Variants in LIFR observed in about 807,000 individuals in gnomAD.
LIFR encodes the protein LIF receptor subunit alpha, also known as leukemia inhibitory factor receptor.
A neutral mutation model predicts 122.2 loss-of-function variants in LIFR; 84 were observed. The ratio of observed to expected loss-of-function variants is 0.69; its 90% CI spans 0.58 to 0.82. The LOEUF is 0.82. Among genes scored for constraint, LIFR ranks in the 40% least tolerant of loss-of-function variants. The probability of loss-of-function intolerance (pLI) is 0.00; values close to 1 mark genes in which losing one functional copy is unlikely to be tolerated. For synonymous variants in LIFR, 422 were observed against 434.7 expected, an observed-to-expected ratio of 0.97 and a Z score of 0.36; for missense variants, 1,294 against 1,311.6, an observed-to-expected ratio of 0.99 and a Z score of 0.21.
upstream of LIFR, among the ~76,000 whole-genome samples, chr5:38,560,635 C>T (rs12654743): frequency 4.3e-4 from 64 of 150,022 alleles, no homozygotes; most frequent in East Asian, 0.012. Flanking sequence ...CTTGCTCTGT[C>T]GTCCAGGCTG....
At chr5:38,504,196 A>T (rs1682814970) in intron 9 of LIFR, 75 bp from the exon 10 acceptor site, 1 of 1,050,642 alleles carries the variant, frequency 9.5e-7, no homozygotes, top group African/African-American at 1.6e-5. Context: ...AAATGAGAAG[A>T]AAACATAAAA....
At chr5:38,557,385 C>T (rs1396844397), upstream of LIFR, 4 of 154,022 alleles carry the variant, frequency 2.6e-5, no homozygotes, top group African/African-American at 9.7e-5. Flanking sequence ...AGAGTAATCA[C>T]CAAATGAAAT....
intron 1 of LIFR, among the ~76,000 whole-genome samples, chr5:38,539,920 T>A (rs1747494895): frequency 6.6e-6 from 1 of 152,180 alleles, no homozygotes; most frequent in Non-Finnish European, 1.5e-5. Context: ...TTCATATCAA[T>A]CCTATAAGGT....
intron 1 of LIFR, among the ~76,000 whole-genome samples, chr5:38,568,009 A>G (rs1380026023): frequency 6.6e-6 from 1 of 152,136 alleles, no homozygotes; most frequent in East Asian, 1.9e-4. Flanking sequence ...CAACCTATTC[A>G]AAATTGAACT....
intron 4 of LIFR, among the ~76,000 whole-genome samples, chr5:38,524,036 A>G (rs1317819398): frequency 6.6e-6 from 1 of 152,198 alleles, no homozygotes; most frequent in African/African-American, 2.4e-5. Context: ...TTAGTCAGGA[A>G]CCTACAGGTA....
intron 1 of LIFR, among the ~76,000 whole-genome samples, chr5:38,567,421 C>T (rs1279500656): frequency 7.9e-5 from 12 of 151,590 alleles, no homozygotes; most frequent in Admixed American, 7.9e-4. Flanking sequence ...TCCCTCTTAT[C>T]CATTATTTGT....
Position 38,510,656 on chromosome 5 carries a change from T to A in LIFR, c.799A>T (p.Ile267Leu), listed in dbSNP as rs891138920. ...TCTTGACTCACACAACAAAATGTTATGTCTGAGCCTACAAGTATCACTTTA... is the reference window on the plus strand; with the variant it reads ...TCTTGACTCACACAACAAAATGTTAAGTCTGAGCCTACAAGTATCACTTTA... ...QDKVILVGSD[I>L]TFCCVSQEKV... The change falls in exon 7 of 20, where the codon ATA becomes TTA. Residue 267 changes from isoleucine to leucine, a missense_variant. Coordinates refer to ENST00000453190, the MANE Select transcript of LIFR (RefSeq NM_001127671.2). 1 of 1,613,816 alleles carries A rather than the reference T, an allele frequency of 6.2e-7. No homozygotes were observed. Among genetic ancestry groups the A allele is most frequent in the Non-Finnish European group, 8.5e-7 (1 of 1,179,874 alleles).
At chr5:38,536,083 A>AATT (rs1747281282) in intron 1 of LIFR, among the ~76,000 whole-genome samples, 1 of 152,210 alleles carries the variant, frequency 6.6e-6, no homozygotes, top group Non-Finnish European at 1.5e-5. Flanking sequence ...AGGGACTAGT[A>AATT]ATTGCTGGGA....
chr5:38,597,871 G>T (rs1050385430), upstream of LIFR, among the ~76,000 whole-genome samples: 1 of 152,122 alleles, frequency 6.6e-6, no homozygotes, highest in African/African-American at 2.4e-5. Context: ...GTTGAGTGGG[G>T]GTGCATGGAG....
intron 7 of LIFR, among the ~76,000 whole-genome samples, chr5:38,508,576 CTTTTTCTTTTTT>C (rs1326142509): frequency 2.7e-5 from 4 of 146,674 alleles, no homozygotes; most frequent in Non-Finnish European, 5.9e-5. Flanking sequence ...TTATAAATTT[CTTTTTCTTTTTT>C]TTTTTTGAGA....
intron 1 of LIFR, chr5:38,607,851 G>C (rs1280122954): frequency 1.3e-5 from 2 of 152,204 alleles, no homozygotes; most frequent in Non-Finnish European, 2.9e-5. Context: ...TAGGAGTATA[G>C]TTAACAGGTG....
chr5:38,543,503 C>G (rs962940537), intron 1 of LIFR, among the ~76,000 whole-genome samples: 1 of 152,132 alleles, frequency 6.6e-6, no homozygotes, highest in Non-Finnish European at 1.5e-5. Flanking sequence ...TGAAGATAAA[C>G]CAAGGCTACA....
chr5:38,553,371 T>A (rs139182298), intron 1 of LIFR, among the ~76,000 whole-genome samples: 93 of 152,012 alleles, frequency 6.1e-4, no homozygotes, highest in African/African-American at 2.1e-3. Flanking sequence ...CACTTAGCAC[T>A]ATCTAGTCAC....
intron 1 of LIFR, among the ~76,000 whole-genome samples, chr5:38,533,486 T>C (rs993630913): frequency 1.3e-5 from 2 of 152,200 alleles, no homozygotes; most frequent in African/African-American, 2.4e-5. Flanking sequence ...TTTGTGAAGA[T>C]GAGTGTTCAC....
rs554042632 is a variant in LIFR, at chr5:38,486,510, G to C, written c.2336-530C>G. Among the ~76,000 whole-genome samples the C allele has an allele frequency of 4.5e-4, 68 of 152,302 alleles. 2 individuals are homozygous for C. The South Asian group carries it at 0.013, about 30-fold the overall frequency. ...TTGGGTTATAACTTCAAAAGGAAGA[G>C]TGAGGAATCATTTGAACTACTATTT... is the stretch of plus-strand genomic sequence containing the variant. On this transcript the variant is annotated intron_variant, in intron 16 of 19. Coordinates refer to ENST00000453190, the MANE Select transcript of LIFR (RefSeq NM_001127671.2).
At chr5:38,545,046 G>T (rs1030225938) in intron 1 of LIFR, among the ~76,000 whole-genome samples, 2 of 152,154 alleles carry the variant, frequency 1.3e-5, no homozygotes, top group Non-Finnish European at 2.9e-5. Flanking sequence ...GAAGCCTGTG[G>T]ATCACCTGAG....
intron 1 of LIFR, among the ~76,000 whole-genome samples, chr5:38,550,747 T>C (rs1338352459): frequency 6.6e-6 from 1 of 152,170 alleles, no homozygotes; most frequent in Non-Finnish European, 1.5e-5. Context: ...GAGCTGTTGG[T>C]TCTAGAGAGG....
intron 1 of LIFR, among the ~76,000 whole-genome samples, chr5:38,537,791 C>T (rs1747370834): frequency 6.6e-6 from 1 of 151,888 alleles, no homozygotes; most frequent in African/African-American, 2.4e-5. Context: ...TTCTCTTTTG[C>T]TCCTTTTTCT....
At chr5:38,534,942 T>C (rs974647621) in intron 1 of LIFR, among the ~76,000 whole-genome samples, 3 of 152,212 alleles carry the variant, frequency 2.0e-5, no homozygotes, top group Non-Finnish European at 4.4e-5. Context: ...AAAATTATTT[T>C]CACACTTGAA....
Sources: gnomAD v4.1 joint callset for allele counts (sites outside exome capture counted in the v4.1 genomes callset) on GRCh38, gnomAD v4.1.1 for gene constraint, MANE v1.5 for transcripts, NCBI Gene and HGNC (gene_info 2026-07-23, HGNC 2026-07-21) for gene names.